Variants in TRMT9B observed in about 807,000 individuals in gnomAD.
TRMT9B encodes the protein probable tRNA methyltransferase 9B.
In TRMT9B, 16 loss-of-function variants were observed where a neutral mutation model predicts 11.5. The observed-to-expected ratio is 1.39, with a 90% CI of 0.94 to 2.11. TRMT9B has a LOEUF of 2.11. Ranked by LOEUF, TRMT9B falls within the 30% of genes most tolerant of loss-of-function variation. The pLI, the probability that TRMT9B is intolerant of heterozygous loss-of-function variation, is 0.00. For missense variants in TRMT9B, 941 were observed against 553.8 expected (o/e 1.70, Z -7.02); for synonymous variants, 274 against 192.4 (o/e 1.42, Z -3.51).
Position 13,025,667 on chromosome 8 carries a change from A to G in TRMT9B, c.*3623A>G, listed in dbSNP as rs1215956606. ...TATAGTGAGAATCATTCAAGCACCT[A>G]TTTAAATTTTTTCCAATTGCCAGTA... is the stretch of plus-strand genomic sequence containing the variant. On this transcript the variant is annotated 3_prime_UTR_variant, in exon 5 of 5. Transcript: ENST00000524591. The G allele has an allele frequency of 1.2e-5, 2 of 167,082 alleles. No individual in the cohort carries two copies. Among genetic ancestry groups the G allele is most frequent in the South Asian group, 2.1e-4 (1 of 4,834 alleles). The allele number at this position is 167,082 out of a possible 1,614,324, so 10.3% of individuals were successfully genotyped here. A position where few individuals can be genotyped will look rare whatever the true frequency, so the allele number is the denominator to read the frequency against.
At chr8:12,988,269 G>A (rs917985867) in intron 1 of TRMT9B, among the ~76,000 whole-genome samples, 14 of 152,094 alleles carry the variant, frequency 9.2e-5, no homozygotes, top group Non-Finnish European at 1.5e-4. Flanking sequence ...CTGTAGCACC[G>A]GCGCACACCC....
At chr8:12,952,672 A>G (rs1800782104) in intron 1 of TRMT9B, 1 of 984,724 alleles carries the variant, frequency 1.0e-6, no homozygotes, top group South Asian at 4.7e-5. Context: ...CACGATGAAA[A>G]TACAGTTTAA....
At chr8:12,948,204 T>C (rs1207950881) in intron 1 of TRMT9B, among the ~76,000 whole-genome samples, 2 of 152,088 alleles carry the variant, frequency 1.3e-5, no homozygotes, top group African/African-American at 2.4e-5. Context: ...TAACCTGCAA[T>C]TGGGCAAAAC....
intron 4 of TRMT9B, among the ~76,000 whole-genome samples, chr8:13,013,307 C>A (rs953271069): frequency 1.3e-5 from 2 of 152,170 alleles, no homozygotes; most frequent in Non-Finnish European, 2.9e-5. Flanking sequence ...ATCTGCCACT[C>A]ACTGGTACTC....
rs1403028036 is a variant in TRMT9B at position 13,027,354 on chromosome 8, C to T, written c.*5310C>T. ...AACAAACAACCCTCCCTTAGAGAAT[C>T]ATGATGCATATTAGCATATTTAAGG... On this transcript the variant is annotated 3_prime_UTR_variant, in exon 5 of 5. Coordinates refer to ENST00000524591, the MANE Select transcript of TRMT9B (RefSeq NM_020844.3). 2 of 167,024 alleles carry T rather than the reference C, an allele frequency of 1.2e-5. No homozygotes were observed. Among genetic ancestry groups the T allele is most frequent in the Admixed American group, 6.5e-5 (1 of 15,286 alleles). 10.3% of individuals were successfully genotyped at this position (167,024 alleles called of 1,614,324 possible).
intron 1 of TRMT9B, among the ~76,000 whole-genome samples, chr8:12,954,632 A>G (rs1285092865): frequency 1.3e-5 from 2 of 152,230 alleles, no homozygotes; most frequent in Admixed American, 1.3e-4. Flanking sequence ...AAAGAATGGC[A>G]TGAAAGCATT....
At chr8:12,946,062 G>C (rs921977677) in intron 1 of TRMT9B, 96 bp downstream of exon 1, 4 of 152,080 alleles carry the variant, frequency 2.6e-5, no homozygotes, top group African/African-American at 7.2e-5. Context: ...GTGCCATGAG[G>C]GTAGATATCT....
chr8:12,973,515 CT>C (rs1803951449), intron 1 of TRMT9B, among the ~76,000 whole-genome samples: 1 of 152,186 alleles, frequency 6.6e-6, no homozygotes, highest in Admixed American at 6.5e-5. Context: ...TGGGAAGTAA[CT>C]GCTACTTTCA....
At chr8:12,977,969 C>T (rs1353358121) in intron 1 of TRMT9B, among the ~76,000 whole-genome samples, 1 of 152,140 alleles carries the variant, frequency 6.6e-6, no homozygotes, top group African/African-American at 2.4e-5. Context: ...GTCAAGGCTG[C>T]AGTGAGCTGC....
chr8:13,019,335 A>C (rs1402097748), intron 4 of TRMT9B, among the ~76,000 whole-genome samples: 1 of 152,212 alleles, frequency 6.6e-6, no homozygotes, highest in Non-Finnish European at 1.5e-5. Context: ...TCTGTTGGCC[A>C]GACTGGACTG....
At chr8:12,991,966 A>C (rs1039169218) in intron 2 of TRMT9B, among the ~76,000 whole-genome samples, 1 of 152,184 alleles carries the variant, frequency 6.6e-6, no homozygotes, top group Non-Finnish European at 1.5e-5. Context: ...CTGGGGCAGC[A>C]AATCAGAAAA....
chr8:12,976,836 G>T (rs1804534682), intron 1 of TRMT9B, among the ~76,000 whole-genome samples: 1 of 152,142 alleles, frequency 6.6e-6, no homozygotes, highest in Admixed American at 6.5e-5. Context: ...CCAGGAAAGA[G>T]CTGCCCAGCA....
At chr8:13,008,629 T>G (rs1810947879) in intron 3 of TRMT9B, among the ~76,000 whole-genome samples, 1 of 152,150 alleles carries the variant, frequency 6.6e-6, no homozygotes, top group South Asian at 2.1e-4. Context: ...AATGGAAAAG[T>G]TCCACAAGAC....
At chr8:12,993,244 T>C (rs1585249153) in intron 2 of TRMT9B, among the ~76,000 whole-genome samples, 1 of 152,160 alleles carries the variant, frequency 6.6e-6, no homozygotes, top group East Asian at 1.9e-4. Context: ...CCTGAAGGGC[T>C]TTCAAGAAGG....
chr8:13,008,958 G>C (rs1294318490), intron 3 of TRMT9B, among the ~76,000 whole-genome samples: 3 of 151,884 alleles, frequency 2.0e-5, no homozygotes, highest in African/African-American at 7.3e-5. Flanking sequence ...TCGATCTCCT[G>C]ACTTTGTGAT....
rs199557196 is a variant in TRMT9B, at chr8:13,021,939, C to G, written c.1260C>G (p.Leu420=). The change falls in exon 5 of 5, where the codon CTC becomes CTG. Residue 420 remains leucine, a synonymous_variant. Coordinates refer to ENST00000524591, the MANE Select transcript of TRMT9B (RefSeq NM_020844.3). The part of the protein sequence containing the change: ...RYYHVFREGE[L]CSLLKENVSE... ...ACCATGTGTTTCGAGAAGGGGAGCT[C>G]TGCAGTCTGCTCAAGGAGAATGTGT... is the stretch of plus-strand genomic sequence containing the variant. 2.0e-5 allele frequency: 32 copies of G among 1,613,748 alleles called. No homozygotes were observed. The African/African-American group carries it at 4.3e-4, about 22-fold the overall frequency.
chr8:12,997,842 T>C (rs1808646826), intron 2 of TRMT9B, among the ~76,000 whole-genome samples: 1 of 152,218 alleles, frequency 6.6e-6, no homozygotes, highest in African/African-American at 2.4e-5. Context: ...TCCAAACAGA[T>C]TGAAACAATT....
chr8:13,009,913 G>A lies in TRMT9B; in HGVS notation c.155-2771G>A, dbSNP rs116125771. ...GGAGGTGTGGCGGGCAGATCTTTTA[G>A]CTCAGGAGTTCGAGACCAGCCTGGA... On this transcript the variant is annotated intron_variant, in intron 3 of 4. Coordinates refer to ENST00000524591, the MANE Select transcript of TRMT9B (RefSeq NM_020844.3). Among the ~76,000 whole-genome samples the A allele has an allele frequency of 5.2e-3, 791 of 152,128 alleles. 9 individuals are homozygous for A. The highest frequency in any genetic ancestry group is 0.018 in the African/African-American group (762 of 41,516).
intron 1 of TRMT9B, among the ~76,000 whole-genome samples, chr8:12,964,684 C>G (rs1185527611): frequency 6.6e-6 from 1 of 152,152 alleles, no homozygotes; most frequent in Non-Finnish European, 1.5e-5. Context: ...AAGCGATCTT[C>G]CCTCCTTATC....
Sources: gnomAD v4.1 joint callset for allele counts (sites outside exome capture counted in the v4.1 genomes callset) on GRCh38, gnomAD v4.1.1 for gene constraint, MANE v1.5 for transcripts, NCBI Gene and HGNC (gene_info 2026-07-23, HGNC 2026-07-21) for gene names.